HTR1F: variants seen among roughly 807,000 people sequenced by gnomAD.
HTR1F encodes 5-hydroxytryptamine receptor 1F.
A neutral mutation model predicts 24.0 loss-of-function variants in HTR1F; 17 were observed. The ratio of observed to expected loss-of-function variants is 0.71; its 90% confidence interval spans 0.48 to 1.06. The LOEUF (loss-of-function observed/expected upper bound fraction) is 1.06, where lower values mean the gene tolerates loss of function less well. Among genes scored for constraint, HTR1F ranks in the 50% least tolerant of loss-of-function variants. The pLI is 0.00. For synonymous variants in HTR1F, 186 were observed against 156.8 expected, an observed-to-expected ratio of 1.19 and a Z score of -1.39; for missense variants, 391 against 427.8, an observed-to-expected ratio of 0.91 and a Z score of 0.76.
chr3:87,847,405 A>G (rs1290251134), intron 2 of HTR1F, among the ~76,000 whole-genome samples: 4 of 151,834 alleles, frequency 2.6e-5, no homozygotes, highest in Non-Finnish European at 5.9e-5. Context: ...TTTCTATTGT[A>G]TTGATAGACA....
chr3:87,910,478 C>A (rs1313528003), intron 2 of HTR1F: 1 of 151,994 alleles, frequency 6.6e-6, no homozygotes, highest in Non-Finnish European at 1.5e-5. Flanking sequence ...AAAGCAAGTT[C>A]TTAGAGATCT....
intron 2 of HTR1F, among the ~76,000 whole-genome samples, chr3:87,871,499 A>C (rs1705555488): frequency 6.6e-6 from 1 of 152,132 alleles, no homozygotes; most frequent in African/African-American, 2.4e-5. Context: ...TATGTGAAGA[A>C]ACAATATCTG....
At chr3:87,813,296 T>G (rs1704191516) in intron 1 of HTR1F, among the ~76,000 whole-genome samples, 1 of 152,244 alleles carries the variant, frequency 6.6e-6, no homozygotes, top group Non-Finnish European at 1.5e-5. Flanking sequence ...TTTGGAGCTT[T>G]AAGATTTAAT....
intron 2 of HTR1F, among the ~76,000 whole-genome samples, chr3:87,927,802 A>G (rs1408498967): frequency 6.6e-6 from 1 of 152,160 alleles, no homozygotes; most frequent in Non-Finnish European, 1.5e-5. Context: ...CAAGTAAATA[A>G]GACAGATGCT....
Position 87,858,285 on chromosome 3 carries a change from AATAGTTCTATGTC to A in HTR1F, c.-43+36164_-43+36176del, listed in dbSNP as rs1160969015. The stretch of plus-strand genomic sequence containing the variant: ...GGGGTACAAAGTGTGACCAAGACTG[AATAGTTCTATGTC>A]ATCATGACCTGTGATTTCCTGTGAA... On this transcript the variant is annotated intron_variant, in intron 2 of 2. Coordinates refer to ENST00000319595, the MANE Select transcript of HTR1F (RefSeq NM_001322209.2). Among the ~76,000 whole-genome samples, 9 of 152,292 alleles carry A rather than the reference AATAGTTCTATGTC, an allele frequency of 5.9e-5. No homozygotes were observed. In the South Asian group the frequency reaches 1.7e-3, roughly 28 times the overall value.
At chr3:87,867,305 T>G (rs1705450750) in intron 2 of HTR1F, among the ~76,000 whole-genome samples, 1 of 151,854 alleles carries the variant, frequency 6.6e-6, no homozygotes, top group Admixed American at 6.6e-5. Context: ...GGCATCAAAC[T>G]TTTAAATCTC....
At chr3:87,946,625 A>AT (rs1255919321) in intron 2 of HTR1F, among the ~76,000 whole-genome samples, 38 of 109,580 alleles carry the variant, frequency 3.5e-4, no homozygotes, top group Non-Finnish European at 5.9e-4. Flanking sequence ...ATATATATAT[A>AT]TATTTTTTTT....
intron 1 of HTR1F, among the ~76,000 whole-genome samples, chr3:87,816,981 G>A (rs1383222787): frequency 6.6e-6 from 1 of 151,934 alleles, no homozygotes; most frequent in Non-Finnish European, 1.5e-5. Context: ...TAAGAATACT[G>A]GTTACAAAGG....
chr3:87,881,303 C>T lies in HTR1F; in HGVS notation c.-43+59179C>T, dbSNP rs373784101. Among the ~76,000 whole-genome samples, 3 of 152,344 alleles carry T rather than the reference C, an allele frequency of 2.0e-5. No individual in the cohort carries two copies. The East Asian group carries it at 5.8e-4, about 29-fold the overall frequency. ...GTCTCATGCATGGCTTGGCGGGTCC[C>T]ACACCAACAGAGCCTTGCTCACTGC... is the stretch of plus-strand genomic sequence containing the variant. On this transcript the variant is annotated intron_variant, in intron 2 of 2. Transcript: ENST00000319595.
intron 2 of HTR1F, among the ~76,000 whole-genome samples, chr3:87,887,038 A>G (rs1369364685): frequency 6.6e-6 from 1 of 152,202 alleles, no homozygotes; most frequent in Non-Finnish European, 1.5e-5. Context: ...AGCAAAAAGA[A>G]CAAAGCTGGA....
chr3:87,846,389 A>G (rs1559603459), intron 2 of HTR1F, among the ~76,000 whole-genome samples: 1 of 151,826 alleles, frequency 6.6e-6, no homozygotes. Flanking sequence ...GTGAGCCAAG[A>G]TTGTGCCACT....
intron 2 of HTR1F, among the ~76,000 whole-genome samples, chr3:87,937,013 C>A (rs1173821260): frequency 6.8e-6 from 1 of 147,912 alleles, no homozygotes; most frequent in Non-Finnish European, 1.5e-5. Context: ...ATCCCAGAAC[C>A]GGATAGATCC....
At chr3:87,948,653 G>A (rs1704766642) in intron 2 of HTR1F, among the ~76,000 whole-genome samples, 1 of 151,760 alleles carries the variant, frequency 6.6e-6, no homozygotes, top group African/African-American at 2.4e-5. Flanking sequence ...AGCTAATTTT[G>A]CTTATTTTTT....
At chr3:87,803,780 A>G (rs544870641) in intron 1 of HTR1F, among the ~76,000 whole-genome samples, 1 of 152,234 alleles carries the variant, frequency 6.6e-6, no homozygotes, top group African/African-American at 2.4e-5. Context: ...ATAGAACTAC[A>G]TATAATTCCA....
intron 2 of HTR1F, among the ~76,000 whole-genome samples, chr3:87,883,697 G>C (rs1464421695): frequency 2.0e-5 from 3 of 152,188 alleles, no homozygotes; most frequent in Non-Finnish European, 4.4e-5. Context: ...CGTGATGCAT[G>C]CACAAGCTTC....
At chr3:87,931,349 T>C (rs1704266548) in intron 2 of HTR1F, among the ~76,000 whole-genome samples, 1 of 152,170 alleles carries the variant, frequency 6.6e-6, no homozygotes, top group Non-Finnish European at 1.5e-5. Context: ...ATTTCCAATT[T>C]CATCCATGTC....
intron 2 of HTR1F, among the ~76,000 whole-genome samples, chr3:87,953,291 T>G (rs925879705): frequency 1.3e-5 from 2 of 151,596 alleles, no homozygotes; most frequent in African/African-American, 4.8e-5. Flanking sequence ...AGAAAATGTT[T>G]GCAAACTATT....
At chr3:87,898,476 C>A (rs776705066) in intron 2 of HTR1F, among the ~76,000 whole-genome samples, 3 of 152,034 alleles carry the variant, frequency 2.0e-5, no homozygotes, top group Non-Finnish European at 4.4e-5. Context: ...AAAACCAAAT[C>A]ATCATAATTC....
intron 2 of HTR1F, among the ~76,000 whole-genome samples, chr3:87,935,406 C>T (rs902140751): frequency 6.6e-6 from 1 of 151,842 alleles, no homozygotes; most frequent in Non-Finnish European, 1.5e-5. Flanking sequence ...GAGCAGGCAA[C>T]TTTTTTTTCC....
Sources: allele counts gnomAD v4.1 joint callset (sites outside exome capture counted in the v4.1 genomes callset), GRCh38; gene constraint gnomAD v4.1.1; transcripts MANE v1.5; gene names NCBI Gene and HGNC (gene_info 2026-07-23, HGNC 2026-07-21).